ZC3H8: variants seen among roughly 807,000 people sequenced by gnomAD.
ZC3H8 encodes zinc finger CCCH-type containing 8, also known as zinc finger CCCH domain-containing protein 8.
A neutral mutation model predicts 42.5 loss-of-function variants in ZC3H8; 27 were observed. The observed-to-expected ratio is 0.64, with a 90% CI of 0.47 to 0.88. ZC3H8 has a LOEUF of 0.88. Among genes scored for constraint, ZC3H8 ranks in the 40% least tolerant of loss-of-function variants. The pLI, the probability that ZC3H8 is intolerant of heterozygous loss-of-function variation, is 0.00. For missense variants in ZC3H8, 277 were observed against 336.1 expected, an observed-to-expected ratio of 0.82 and a Z score of 1.37; for synonymous variants, 101 against 110.1, an observed-to-expected ratio of 0.92 and a Z score of 0.52.
Position 112,214,593 on chromosome 2 carries a change from G to A in ZC3H8, c.*1891C>T, listed in dbSNP as rs1290488700. The A allele has an allele frequency of 2.6e-5, 4 of 152,202 alleles. No homozygotes were observed. The highest frequency in any genetic ancestry group is 4.8e-5 in the African/African-American group (2 of 41,422). 9.4% of individuals were successfully genotyped at this position (152,202 alleles called of 1,614,324 possible). A position where few individuals can be genotyped will look rare whatever the true frequency, so the allele number is the denominator to read the frequency against. ...AAGCCCGGCTTGGTATGGCTACAATGGCTAGGTGATAGAGTACTTTGGACG... is the reference window on the plus strand; with the variant it reads ...AAGCCCGGCTTGGTATGGCTACAATAGCTAGGTGATAGAGTACTTTGGACG... On this transcript the variant is annotated 3_prime_UTR_variant, in exon 9 of 9. Transcript: ENST00000409573.
At position 112,223,263 on chromosome 2, in the gene ZC3H8, A is replaced by AAAAG. The variant is rs1388147613; in HGVS notation, c.*16-6799_*16-6796dup. On this transcript the variant is annotated intron_variant, in intron 8 of 8. Coordinates refer to ENST00000409573, the MANE Select transcript of ZC3H8 (RefSeq NM_032494.3). The stretch of plus-strand genomic sequence containing the variant: ...CCTAGAACTTAAAGTATAATTTAAA[A>AAAAG]AAAGAAAAAAAAAGTAAAGAATATT... 2.0e-5 allele frequency among the ~76,000 whole-genome samples: 3 copies of AAAAG among 152,224 alleles called. No individual in the cohort carries two copies. In the East Asian group the frequency reaches 5.8e-4, roughly 29 times the overall value.
At chr2:112,219,057 ATCAAAT>A (rs1393970073) in intron 8 of ZC3H8, among the ~76,000 whole-genome samples, 1 of 152,222 alleles carries the variant, frequency 6.6e-6, no homozygotes, top group African/African-American at 2.4e-5. Flanking sequence ...TGCAATCTCT[ATCAAAT>A]TCAAATTGAT....
chr2:112,223,163 C>T (rs1456405868), intron 8 of ZC3H8, among the ~76,000 whole-genome samples: 4 of 151,244 alleles, frequency 2.6e-5, no homozygotes, highest in African/African-American at 4.9e-5. Context: ...ATGTAAATGA[C>T]GAGTTAACAG....
chr2:112,235,263 T>TATAA (rs1408340892), intron 4 of ZC3H8, among the ~76,000 whole-genome samples: 1 of 152,228 alleles, frequency 6.6e-6, no homozygotes, highest in Non-Finnish European at 1.5e-5. Flanking sequence ...ATTTATGTCT[T>TATAA]ATAAATATCT....
chr2:112,242,436 A>C (rs2104664725), intron 2 of ZC3H8, among the ~76,000 whole-genome samples: 1 of 152,330 alleles, frequency 6.6e-6, no homozygotes, highest in Middle Eastern at 3.4e-3. Context: ...GCTGCAAGAG[A>C]CCTTCATGGC....
rs1354465843 is a variant in ZC3H8, at chr2:112,212,131, T to G, written c.*4353A>C. 1 of 152,338 alleles carries G rather than the reference T, an allele frequency of 6.6e-6. No individual in the cohort carries two copies. The highest frequency in any genetic ancestry group is 1.5e-5 in the Non-Finnish European group (1 of 68,130). 9.4% of individuals were successfully genotyped at this position (152,338 alleles called of 1,614,324 possible). ...GGTATATTAGTGTGTGGTGAGGGCC[T>G]GCTTCCTGCTTTGTAGACAGCCATT... On this transcript the variant is annotated 3_prime_UTR_variant, in exon 9 of 9. Transcript: ENST00000409573.
At chr2:112,249,517 T>C (rs1037571089) in intron 2 of ZC3H8, among the ~76,000 whole-genome samples, 7 of 152,120 alleles carry the variant, frequency 4.6e-5, no homozygotes, top group Admixed American at 3.9e-4. Flanking sequence ...GATTTTGGCT[T>C]ACTGCAACCT....
chr2:112,224,995 C>T (rs1684754649), intron 8 of ZC3H8, among the ~76,000 whole-genome samples: 1 of 152,160 alleles, frequency 6.6e-6, no homozygotes, highest in African/African-American at 2.4e-5. Context: ...TTTCAGTGTA[C>T]AAGTGTACAC....
At chr2:112,254,017 C>T in intron 1 of ZC3H8, 2 of 728,230 alleles carry the variant, frequency 2.7e-6, no homozygotes, top group Non-Finnish European at 3.4e-6. Flanking sequence ...CCTCAGTTTT[C>T]CCATCTGTAA....
chr2:112,233,487 G>A, intron 5 of ZC3H8, 116 bp from the exon 6 acceptor site: 2 of 686,392 alleles, frequency 2.9e-6, no homozygotes, highest in African/African-American at 1.9e-5. Context: ...CAAAGTCTTA[G>A]AGGTAGCACA....
intron 4 of ZC3H8, among the ~76,000 whole-genome samples, chr2:112,235,344 T>C (rs1685273546): frequency 6.6e-6 from 1 of 152,224 alleles, no homozygotes. Context: ...TTGTTCCTTG[T>C]GTAGAAGGGC....
rs796209432 is a variant in ZC3H8, at chr2:112,243,567, T to C, written c.157-5039A>G. On this transcript the variant is annotated intron_variant, in intron 2 of 8. Transcript: ENST00000409573. The stretch of plus-strand genomic sequence containing the variant: ...TAACTTTGAACCCCAATTAAGCAAA[T>C]AATTACCTCACAAAGAAGAATCCCA... Among the ~76,000 whole-genome samples, 20 of 152,006 alleles carry C rather than the reference T, an allele frequency of 1.3e-4. 1 individual carries two copies. The highest frequency in any genetic ancestry group is 4.8e-4 in the African/African-American group (20 of 41,304).
At chr2:112,219,235 AG>A (rs1202792631) in intron 8 of ZC3H8, among the ~76,000 whole-genome samples, 2 of 152,310 alleles carry the variant, frequency 1.3e-5, no homozygotes, top group East Asian at 3.9e-4. Context: ...CATAAAAGAT[AG>A]ACATATAGAG....
chr2:112,223,547 T>C, intron 8 of ZC3H8, among the ~76,000 whole-genome samples: 1 of 152,278 alleles, frequency 6.6e-6, no homozygotes, highest in Middle Eastern at 3.4e-3. Context: ...TATCTGCATA[T>C]ATTACTTTTA....
At chr2:112,220,520 G>A (rs549452682) in intron 8 of ZC3H8, among the ~76,000 whole-genome samples, 32 of 152,226 alleles carry the variant, frequency 2.1e-4, no homozygotes, top group African/African-American at 7.7e-4. Flanking sequence ...TCTGCTGTTA[G>A]CCTAAAGACC....
chr2:112,252,685 C>T (rs188121739), intron 1 of ZC3H8, among the ~76,000 whole-genome samples: 1 of 152,132 alleles, frequency 6.6e-6, no homozygotes, highest in Non-Finnish European at 1.5e-5. Context: ...ACTTTGCTCC[C>T]CTAACCCAAT....
chr2:112,230,857 G>T (rs143266921), intron 8 of ZC3H8, 46 bp downstream of exon 8: 26 of 1,225,720 alleles, frequency 2.1e-5, no homozygotes, highest in Non-Finnish European at 2.7e-5. Context: ...AACTTCTGGA[G>T]ATGTTCAGAC....
At chr2:112,254,685 C>G (rs919472751) in intron 1 of ZC3H8, among the ~76,000 whole-genome samples, 14 of 152,246 alleles carry the variant, frequency 9.2e-5, no homozygotes, top group African/African-American at 2.7e-4. Flanking sequence ...CAGCCCCGGC[C>G]CTGACGGCCT....
At position 112,213,498 on chromosome 2, in the gene ZC3H8, C is replaced by G. The variant is rs951513914; in HGVS notation, c.*2986G>C. 6.6e-6 allele frequency: 1 copy of G among 150,700 alleles called. No homozygotes were observed. The highest frequency in any genetic ancestry group is 2.2e-4 in the South Asian group (1 of 4,570). 9.3% of individuals were successfully genotyped at this position (150,700 alleles called of 1,614,324 possible). On this transcript the variant is annotated 3_prime_UTR_variant, in exon 9 of 9. Transcript: ENST00000409573. ...CAACAGATAAAAATTGAGTTCTGGC[C>G]GGGTGCGGTGGCCCACACCTGTAAT...
Sources: allele counts gnomAD v4.1 joint callset (sites outside exome capture counted in the v4.1 genomes callset), GRCh38; gene constraint gnomAD v4.1.1; transcripts MANE v1.5; gene names NCBI Gene and HGNC (gene_info 2026-07-23, HGNC 2026-07-21).